RSBN1L: variants seen among roughly 807,000 people sequenced by gnomAD.
RSBN1L encodes lysine-specific demethylase RSBN1L.
RSBN1L carries 30 observed loss-of-function variants against 67.7 expected under a neutral mutation model. The observed-to-expected ratio is 0.44, with a 90% CI of 0.33 to 0.60. The LOEUF (loss-of-function observed/expected upper bound fraction) is 0.60. Ranked by LOEUF, RSBN1L falls within the 20% of genes least tolerant of loss-of-function variation. The pLI is 0.02. For missense variants in RSBN1L, 992 were observed against 1,031.7 expected, an observed-to-expected ratio of 0.96 and a Z score of 0.53; for synonymous variants, 433 against 387.0, an observed-to-expected ratio of 1.12 and a Z score of -1.39.
At chr7:77,703,991 A>C (rs1790855957) in intron 1 of RSBN1L, among the ~76,000 whole-genome samples, 1 of 152,206 alleles carries the variant, frequency 6.6e-6, no homozygotes, top group Non-Finnish European at 1.5e-5. Flanking sequence ...TCCGTTATAA[A>C]GGGATGATAT....
intron 2 of RSBN1L, among the ~76,000 whole-genome samples, chr7:77,746,529 A>G (rs570858497): frequency 6.6e-6 from 1 of 152,284 alleles, no homozygotes; most frequent in East Asian, 1.9e-4. Flanking sequence ...GATCCAAACC[A>G]TATCATTTCA....
chr7:77,769,036 A>G (rs533570116), intron 5 of RSBN1L, among the ~76,000 whole-genome samples: 1 of 152,372 alleles, frequency 6.6e-6, no homozygotes, highest in African/African-American at 2.4e-5. Context: ...AAAAAATGTC[A>G]TAAGATATAA....
chr7:77,755,582 A>G (rs1259993274), intron 3 of RSBN1L, among the ~76,000 whole-genome samples: 1 of 152,100 alleles, frequency 6.6e-6, no homozygotes, highest in African/African-American at 2.4e-5. Flanking sequence ...AGGAAGAATC[A>G]CTTGAGCCCT....
intron 2 of RSBN1L, among the ~76,000 whole-genome samples, chr7:77,737,103 G>C (rs1044372581): frequency 6.6e-6 from 1 of 152,104 alleles, no homozygotes; most frequent in African/African-American, 2.4e-5. Flanking sequence ...TGGGGGGTAG[G>C]TGGTTGGGTA....
chr7:77,748,849 A>C (rs924550110), intron 2 of RSBN1L, among the ~76,000 whole-genome samples: 1 of 152,150 alleles, frequency 6.6e-6, no homozygotes, highest in South Asian at 2.1e-4. Context: ...CATTTGCTAT[A>C]TGTCAGAATG....
At chr7:77,727,817 A>G (rs1370465055) in intron 1 of RSBN1L, among the ~76,000 whole-genome samples, 4 of 152,186 alleles carry the variant, frequency 2.6e-5, no homozygotes, top group African/African-American at 7.2e-5. Context: ...AATTCCACAT[A>G]CCTTAGTTAA....
intron 1 of RSBN1L, among the ~76,000 whole-genome samples, chr7:77,714,508 A>G (rs1423486710): frequency 1.3e-5 from 2 of 152,192 alleles, no homozygotes; most frequent in Non-Finnish European, 2.9e-5. Context: ...TTTGAGATCC[A>G]TCAGTACAGT....
intron 1 of RSBN1L, among the ~76,000 whole-genome samples, chr7:77,717,522 A>G (rs995094877): frequency 3.3e-5 from 5 of 152,192 alleles, no homozygotes; most frequent in Middle Eastern, 6.3e-3. Flanking sequence ...TTGTCTTTGA[A>G]ATCTGAGATT....
At chr7:77,714,400 G>A (rs1040591981) in intron 1 of RSBN1L, among the ~76,000 whole-genome samples, 3 of 152,078 alleles carry the variant, frequency 2.0e-5, no homozygotes, top group Non-Finnish European at 4.4e-5. Context: ...AGGGTGATCT[G>A]TTTTCTGTCT....
chr7:77,768,162 CT>C (rs998669494), intron 4 of RSBN1L, among the ~76,000 whole-genome samples: 26 of 152,016 alleles, frequency 1.7e-4, no homozygotes, highest in African/African-American at 6.0e-4. Flanking sequence ...CAGCCTTGTT[CT>C]TTCATTTTAA....
chr7:77,782,031 C>T lies in RSBN1L; in HGVS notation c.*2863C>T, dbSNP rs1160530251. On this transcript the variant is annotated 3_prime_UTR_variant, in exon 8 of 8. Transcript: ENST00000334955. ...AAGGTAAAGTATAAATCAGTGGGCTCAAGATTTGCAGGTACAGCCTTGTTA... is the reference window on the plus strand; with the variant it reads ...AAGGTAAAGTATAAATCAGTGGGCTTAAGATTTGCAGGTACAGCCTTGTTA... 6.7e-6 allele frequency: 1 copy of T among 150,026 alleles called. No homozygotes were observed. The highest frequency in any genetic ancestry group is 2.5e-5 in the African/African-American group (1 of 40,792). 9.3% of individuals were successfully genotyped at this position (150,026 alleles called of 1,614,324 possible). A position where few individuals can be genotyped will look rare whatever the true frequency, so the allele number is the denominator to read the frequency against.
chr7:77,723,668 G>A (rs779536497), intron 1 of RSBN1L, among the ~76,000 whole-genome samples: 1 of 152,116 alleles, frequency 6.6e-6, no homozygotes, highest in South Asian at 2.1e-4. Context: ...GGGCGTGGTG[G>A]CTCACACCTG....
chr7:77,763,306 A>G (rs1034316381), intron 3 of RSBN1L, among the ~76,000 whole-genome samples: 4 of 152,082 alleles, frequency 2.6e-5, no homozygotes, highest in South Asian at 2.1e-4. Context: ...ATATATTTCA[A>G]AGCACTTGGA....
intron 6 of RSBN1L, among the ~76,000 whole-genome samples, chr7:77,773,962 A>G (rs1791879165): frequency 6.6e-6 from 1 of 152,204 alleles, no homozygotes; most frequent in African/African-American, 2.4e-5. Flanking sequence ...TATTTATCAC[A>G]TAAGGAAACT....
chr7:77,708,450 C>T (rs1421164399), intron 1 of RSBN1L, among the ~76,000 whole-genome samples: 3 of 150,614 alleles, frequency 2.0e-5, no homozygotes, highest in African/African-American at 4.9e-5. Context: ...GGCATGATCT[C>T]GGCTCACTGC....
At chr7:77,757,221 T>C (rs1449633615) in intron 3 of RSBN1L, among the ~76,000 whole-genome samples, 2 of 152,270 alleles carry the variant, frequency 1.3e-5, no homozygotes, top group African/African-American at 4.8e-5. Context: ...TGTTCAACTT[T>C]ATTAAACACA....
intron 1 of RSBN1L, among the ~76,000 whole-genome samples, chr7:77,735,083 G>A (rs1298024398): frequency 6.6e-6 from 1 of 151,022 alleles, no homozygotes; most frequent in African/African-American, 2.4e-5. Flanking sequence ...CACTTTGTCA[G>A]TGTTATAGGT....
At position 77,779,354 on chromosome 7, in the gene RSBN1L, G is replaced by A. The variant is rs550142833; in HGVS notation, c.*186G>A. Reference sequence around the variant, plus strand: ...TTAAGCACTTAGGGCCAGATGCACTGTAAACATTGCAGGTTTAAACATAAA... The same window carrying A: ...TTAAGCACTTAGGGCCAGATGCACTATAAACATTGCAGGTTTAAACATAAA... On this transcript the variant is annotated 3_prime_UTR_variant, in exon 8 of 8. Coordinates refer to ENST00000334955, the MANE Select transcript of RSBN1L (RefSeq NM_198467.3). The A allele has an allele frequency of 1.0e-5, 5 of 478,406 alleles. No individual in the cohort carries two copies. The highest frequency in any genetic ancestry group is 7.0e-5 in the East Asian group (2 of 28,522). The allele number at this position is 478,406 out of a possible 1,614,324, so 29.6% of individuals were successfully genotyped here.
Position 77,750,026 on chromosome 7 carries a change from G to T in RSBN1L, c.1306G>T (p.Asp436Tyr). 6.2e-7 allele frequency: 1 copy of T among 1,611,162 alleles called. No homozygotes were observed. The highest frequency in any genetic ancestry group is 8.5e-7 in the Non-Finnish European group (1 of 1,178,956). Residue 436 changes from aspartate to tyrosine, a missense_variant, in exon 3 of 8, where the codon GAT becomes TAT. Transcript: ENST00000334955. ...PVKMEILGKK[D>Y]IETTTMSNFH... ...GAAAATGGAGATATTGGGAAAGAAAGATATAGAGACAACGACTATGTCCAA... is the reference window on the plus strand; with the variant it reads ...GAAAATGGAGATATTGGGAAAGAAATATATAGAGACAACGACTATGTCCAA...
Sources: gnomAD v4.1 joint callset for allele counts (sites outside exome capture counted in the v4.1 genomes callset) on GRCh38, gnomAD v4.1.1 for gene constraint, MANE v1.5 for transcripts, NCBI Gene and HGNC (gene_info 2026-07-23, HGNC 2026-07-21) for gene names.